Variants in GALNTL6 observed in about 807,000 individuals in gnomAD.
GALNTL6 encodes polypeptide N-acetylgalactosaminyltransferase-like 6.
A neutral mutation model predicts 73.7 loss-of-function variants in GALNTL6; 46 were observed. The ratio of observed to expected loss-of-function variants is 0.62; its 90% confidence interval spans 0.49 to 0.80. GALNTL6 has a LOEUF of 0.80. Ranked by LOEUF, GALNTL6 falls within the 30% of genes least tolerant of loss-of-function variation. The probability of loss-of-function intolerance (pLI) is 0.00; values close to 1 mark genes in which losing one functional copy is unlikely to be tolerated. For synonymous variants in GALNTL6, 259 were observed against 263.7 expected (o/e 0.98, Z 0.17); for missense variants, 604 against 755.0 (o/e 0.80, Z 2.34).
chr4:173,002,771 G>A (rs1211439446), intron 10 of GALNTL6, among the ~76,000 whole-genome samples: 2 of 149,696 alleles, frequency 1.3e-5, no homozygotes, highest in South Asian at 4.3e-4. Flanking sequence ...CTCCAGCCTG[G>A]GGGACAGAGT....
intron 2 of GALNTL6, among the ~76,000 whole-genome samples, chr4:172,147,000 G>A (rs183173135): frequency 4.6e-4 from 70 of 152,262 alleles, no homozygotes; most frequent in African/African-American, 1.7e-3. Context: ...TGTTGAAGTA[G>A]ACTGTCAAAA....
At chr4:171,833,769 T>C (rs1735035830) in intron 2 of GALNTL6, among the ~76,000 whole-genome samples, 1 of 151,858 alleles carries the variant, frequency 6.6e-6, no homozygotes. Context: ...TCCAGCCTGT[T>C]AAAAGAAATA....
At chr4:172,424,193 T>G (rs1415824115) in intron 5 of GALNTL6, among the ~76,000 whole-genome samples, 1 of 152,134 alleles carries the variant, frequency 6.6e-6, no homozygotes, top group Non-Finnish European at 1.5e-5. Flanking sequence ...GCACTGAATT[T>G]TAACTTGTAA....
At chr4:171,821,058 C>T (rs2110803188) in intron 2 of GALNTL6, among the ~76,000 whole-genome samples, 1 of 152,076 alleles carries the variant, frequency 6.6e-6, no homozygotes, top group Non-Finnish European at 1.5e-5. Flanking sequence ...TTCCCCAAGA[C>T]AAGGTCTTAC....
At chr4:172,582,236 C>T (rs565264714) in intron 5 of GALNTL6, among the ~76,000 whole-genome samples, 1 of 152,264 alleles carries the variant, frequency 6.6e-6, no homozygotes, top group East Asian at 1.9e-4. Flanking sequence ...GACCCTGAAG[C>T]CTGAATACTG....
chr4:172,174,389 T>C (rs575521160), intron 2 of GALNTL6, among the ~76,000 whole-genome samples: 2 of 152,306 alleles, frequency 1.3e-5, no homozygotes, highest in South Asian at 4.1e-4. Flanking sequence ...ATTTTTCCCT[T>C]TTTTTGTTGT....
At chr4:171,893,191 G>A (rs982679712) in intron 2 of GALNTL6, among the ~76,000 whole-genome samples, 1 of 152,184 alleles carries the variant, frequency 6.6e-6, no homozygotes, top group Admixed American at 6.5e-5. Flanking sequence ...AAAGACGGCA[G>A]ACTGCTTCAG....
chr4:173,010,007 C>T (rs900215407), intron 11 of GALNTL6, among the ~76,000 whole-genome samples: 4 of 152,126 alleles, frequency 2.6e-5, no homozygotes, highest in African/African-American at 9.7e-5. Flanking sequence ...ACAAACAATC[C>T]AATTATATTA....
chr4:172,093,422 A>G (rs139886536), intron 2 of GALNTL6, among the ~76,000 whole-genome samples: 5 of 152,300 alleles, frequency 3.3e-5, no homozygotes, highest in African/African-American at 9.6e-5. Context: ...CTCATACCGT[A>G]TAACATTTTA....
intron 5 of GALNTL6, among the ~76,000 whole-genome samples, chr4:172,573,365 T>G (rs1211918759): frequency 6.6e-6 from 1 of 152,142 alleles, no homozygotes; most frequent in Non-Finnish European, 1.5e-5. Context: ...TACAGCTTAA[T>G]GAAAGTTTGC....
intron 2 of GALNTL6, among the ~76,000 whole-genome samples, chr4:172,119,619 A>C (rs2110995371): frequency 6.6e-6 from 1 of 152,328 alleles, no homozygotes; most frequent in Middle Eastern, 3.4e-3. Context: ...TTTGCTGTGC[A>C]GGATCAGAGA....
chr4:172,348,481 G>C, intron 4 of GALNTL6, 42 bp from the exon 5 acceptor site: 1 of 1,508,528 alleles, frequency 6.6e-7, no homozygotes, highest in Non-Finnish European at 9.1e-7. Flanking sequence ...ATATACAAGA[G>C]TTTTGTATTT....
chr4:172,063,919 G>A (rs778130162), intron 2 of GALNTL6, among the ~76,000 whole-genome samples: 2 of 152,096 alleles, frequency 1.3e-5, no homozygotes, highest in African/African-American at 4.8e-5. Flanking sequence ...CATATGAGCC[G>A]CAATTTGCCT....
At position 172,508,767 on chromosome 4, in the gene GALNTL6, A is replaced by C. The variant is rs1441942478; in HGVS notation, c.553+160078A>C. 7.8e-5 allele frequency among the ~76,000 whole-genome samples: 4 copies of C among 51,052 alleles called. 2 individuals carry two copies. The highest frequency in any genetic ancestry group is 1.8e-4 in the Non-Finnish European group (4 of 22,630). The allele number at this position is 51,052 out of a possible 152,430, so 33.5% of individuals were successfully genotyped here. A position where few individuals can be genotyped will look rare whatever the true frequency, so the allele number is the denominator to read the frequency against. On this transcript the variant is annotated intron_variant, in intron 5 of 12. Coordinates refer to ENST00000506823, the MANE Select transcript of GALNTL6 (RefSeq NM_001034845.3). ...CCTTTTTATGTCTGAGTAGTATTCC[A>C]TGGTGTATATATACCACATTTTTTT...
chr4:172,497,996 T>TTC (rs1439673917), intron 5 of GALNTL6, among the ~76,000 whole-genome samples: 2 of 147,462 alleles, frequency 1.4e-5, no homozygotes, highest in Non-Finnish European at 3.0e-5. Flanking sequence ...CATTTCTTTT[T>TTC]TTTTTGTTTT....
chr4:173,007,202 C>G (rs1752340515), intron 10 of GALNTL6, among the ~76,000 whole-genome samples: 1 of 152,138 alleles, frequency 6.6e-6, no homozygotes, highest in African/African-American at 2.4e-5. Flanking sequence ...TGCCTCATTG[C>G]CCACCCCAGC....
chr4:172,250,649 G>A (rs1176574363), intron 3 of GALNTL6, among the ~76,000 whole-genome samples: 2 of 152,116 alleles, frequency 1.3e-5, no homozygotes, highest in African/African-American at 4.8e-5. Flanking sequence ...GGACATGTTT[G>A]CTTCCCCTTC....
intron 2 of GALNTL6, among the ~76,000 whole-genome samples, chr4:172,141,381 T>C (rs1733793346): frequency 6.6e-6 from 1 of 152,058 alleles, no homozygotes; most frequent in Admixed American, 6.6e-5. Flanking sequence ...ACATTTACAA[T>C]ACAATGTGAT....
intron 2 of GALNTL6, among the ~76,000 whole-genome samples, chr4:172,102,372 C>A (rs1320587232): frequency 6.6e-6 from 1 of 152,118 alleles, no homozygotes; most frequent in African/African-American, 2.4e-5. Flanking sequence ...TACATGAGAG[C>A]CATTCAAATG....
Sources: allele counts gnomAD v4.1 joint callset (sites outside exome capture counted in the v4.1 genomes callset), GRCh38; gene constraint gnomAD v4.1.1; transcripts MANE v1.5; gene names NCBI Gene and HGNC (gene_info 2026-07-23, HGNC 2026-07-21).